The following ANK2 variants were observed in gnomAD, a reference collection of about 807,000 sequenced individuals.
ANK2 encodes ankyrin 2.
In ANK2, 83 loss-of-function variants were observed where a neutral mutation model predicts 360.5. The ratio of observed to expected loss-of-function variants is 0.23; its 90% CI spans 0.19 to 0.28. The LOEUF is 0.28. ANK2 is among the 10% of genes least tolerant of loss of function. The pLI, the probability that ANK2 is intolerant of heterozygous loss-of-function variation, is 1.00. For missense variants in ANK2, 4,201 were observed against 4,795.7 expected (o/e 0.88, Z 3.66); for synonymous variants, 1,740 against 1,759.5 (o/e 0.99, Z 0.28).
chr4:113,300,903 A>T (rs2074607736), intron 22 of ANK2, among the ~76,000 whole-genome samples: 1 of 152,230 alleles, frequency 6.6e-6, no homozygotes, highest in Non-Finnish European at 1.5e-5. Context: ...GCAGTATCAC[A>T]TTATGATCAC....
chr4:113,041,907 G>T (rs910513825), intron 2 of ANK2, among the ~76,000 whole-genome samples: 4 of 151,966 alleles, frequency 2.6e-5, no homozygotes, highest in African/African-American at 9.7e-5. Flanking sequence ...TCTCCTTAAG[G>T]GCACAAATCT....
At chr4:113,318,134 T>C (rs1033469247) in intron 25 of ANK2, among the ~76,000 whole-genome samples, 18 of 152,218 alleles carry the variant, frequency 1.2e-4, no homozygotes, top group Non-Finnish European at 2.1e-4. Context: ...ATTTAAGGTA[T>C]AAGATGAATG....
chr4:113,185,085 T>A (rs1228857841), intron 2 of ANK2, among the ~76,000 whole-genome samples: 1 of 152,248 alleles, frequency 6.6e-6, no homozygotes, highest in African/African-American at 2.4e-5. Context: ...TGTGCCACAT[T>A]TTCTTTATCC....
intron 1 of ANK2, among the ~76,000 whole-genome samples, chr4:113,096,116 C>T (rs1032862395): frequency 4.5e-4 from 68 of 152,152 alleles, no homozygotes; most frequent in African/African-American, 1.4e-3. Context: ...CAGAAGCTGA[C>T]CAGGAGTTCA....
At chr4:113,378,788 A>C (rs1262495192) in intron 45 of ANK2, among the ~76,000 whole-genome samples, 1 of 152,186 alleles carries the variant, frequency 6.6e-6, no homozygotes, top group East Asian at 1.9e-4. Flanking sequence ...ACTGTGAGGC[A>C]CACTGGTCTG....
At chr4:113,109,155 T>C (rs2093998951) in intron 1 of ANK2, among the ~76,000 whole-genome samples, 1 of 152,202 alleles carries the variant, frequency 6.6e-6, no homozygotes, top group South Asian at 2.1e-4. Flanking sequence ...AATAAATCTG[T>C]ACTCAAAGAA....
intron 18 of ANK2, among the ~76,000 whole-genome samples, chr4:113,283,136 C>G (rs1182237293): frequency 1.3e-5 from 2 of 152,186 alleles, no homozygotes; most frequent in Admixed American, 1.3e-4. Flanking sequence ...TACATCCCCG[C>G]TTTCCTTGCT....
chr4:112,755,495 G>A, the ANK2 span, among the ~76,000 whole-genome samples: 3 of 152,222 alleles, frequency 2.0e-5, no homozygotes, highest in African/African-American at 4.8e-5. Context: ...TTTTGGGATA[G>A]GCGGTAGAGT....
intron 1 of ANK2, among the ~76,000 whole-genome samples, chr4:112,873,785 G>T (rs1375464852): frequency 6.6e-6 from 1 of 150,620 alleles, no homozygotes; most frequent in Non-Finnish European, 1.5e-5. Context: ...CTCGTGATCC[G>T]CCTGCCTCAG....
intron 35 of ANK2, 140 bp downstream of exon 35, chr4:113,346,162 T>C: frequency 3.0e-6 from 3 of 999,896 alleles, no homozygotes; most frequent in Admixed American, 2.1e-5. Flanking sequence ...CAACAAAGAC[T>C]GATTGAAAGC....
Position 113,316,836 on chromosome 4 carries a change from TC to T in ANK2, c.2694-870del, listed in dbSNP as rs535834748. Among the ~76,000 whole-genome samples, 3 of 152,380 alleles carry T rather than the reference TC, an allele frequency of 2.0e-5. No homozygotes were observed. The South Asian group carries it at 6.2e-4, about 32-fold the overall frequency. On this transcript the variant is annotated intron_variant, in intron 24 of 45. Transcript: ENST00000357077. ...TTTAGAACTTTGAAGTTCAGATTTTTCAAAAATGTAATGCATGGTTTATCAA... is the reference window on the plus strand; with the variant it reads ...TTTAGAACTTTGAAGTTCAGATTTTTAAAAATGTAATGCATGGTTTATCAA...
At chr4:112,955,876 C>A (rs2095307342) in intron 2 of ANK2, among the ~76,000 whole-genome samples, 1 of 152,112 alleles carries the variant, frequency 6.6e-6, no homozygotes, top group African/African-American at 2.4e-5. Flanking sequence ...TATAGGGATT[C>A]ATTTATTCAC....
the ANK2 span, chr4:112,788,434 C>T: frequency 6.3e-7 from 1 of 1,599,826 alleles, no homozygotes; most frequent in Non-Finnish European, 8.5e-7. Flanking sequence ...GCTGAGCTTT[C>T]TTGTTCTCCA....
the ANK2 span, chr4:112,797,979 G>C: frequency 6.2e-6 from 1 of 160,478 alleles, no homozygotes; most frequent in Non-Finnish European, 1.4e-5. Context: ...TTCTTTGCCG[G>C]CTATCAACAG....
intron 4 of ANK2, among the ~76,000 whole-genome samples, chr4:113,227,274 G>A (rs948645550): frequency 9.9e-5 from 15 of 151,998 alleles, no homozygotes; most frequent in Admixed American, 5.2e-4. Context: ...ACAATGCTCC[G>A]ATCTCCCAAC....
chr4:113,191,801 T>C (rs1033249660), intron 2 of ANK2, among the ~76,000 whole-genome samples: 2 of 152,232 alleles, frequency 1.3e-5, no homozygotes, highest in African/African-American at 4.8e-5. Flanking sequence ...TTTTTTACTA[T>C]TGAAGAAACC....
intron 2 of ANK2, among the ~76,000 whole-genome samples, chr4:112,960,045 T>C (rs1212772525): frequency 2.0e-5 from 3 of 152,126 alleles, no homozygotes; most frequent in African/African-American, 7.2e-5. Context: ...GTGGTGGCAA[T>C]GATAATAATA....
the ANK2 span, among the ~76,000 whole-genome samples, chr4:112,754,332 T>TTTTGGG: frequency 6.6e-6 from 1 of 151,058 alleles, no homozygotes; most frequent in South Asian, 2.1e-4. Context: ...TGGGCCCCGG[T>TTTTGGG]TTCCTTTTGC....
At chr4:113,049,012 CT>C (rs1444707283), upstream of ANK2, among the ~76,000 whole-genome samples, 1 of 151,462 alleles carries the variant, frequency 6.6e-6, no homozygotes, top group East Asian at 1.9e-4. Flanking sequence ...GGTTAGGTAT[CT>C]GGGCAGTTGT....
Sources: allele counts gnomAD v4.1 joint callset (sites outside exome capture counted in the v4.1 genomes callset), GRCh38; gene constraint gnomAD v4.1.1; transcripts MANE v1.5; gene names NCBI Gene and HGNC (gene_info 2026-07-23, HGNC 2026-07-21).